Variants in AIG1 observed in about 807,000 individuals in gnomAD.
The protein encoded by AIG1 is androgen-induced gene 1 protein.
AIG1 carries 23 observed loss-of-function variants against 31.4 expected under a neutral mutation model. That is an observed-to-expected ratio of 0.73 (90% CI 0.53 to 1.04). AIG1 has a LOEUF of 1.04. Ranked by LOEUF, AIG1 falls within the 50% of genes least tolerant of loss-of-function variation. The probability of loss-of-function intolerance (pLI) is 0.00; values close to 1 mark genes in which losing one functional copy is unlikely to be tolerated. For missense variants in AIG1, 274 were observed against 295.0 expected (o/e 0.93, Z 0.52); for synonymous variants, 100 against 110.5 (o/e 0.90, Z 0.60).
At chr6:143,150,527 C>T (rs142362965) in intron 2 of AIG1, among the ~76,000 whole-genome samples, 4 of 152,230 alleles carry the variant, frequency 2.6e-5, no homozygotes, top group East Asian at 3.9e-4. Context: ...ATTGTGATGT[C>T]AGGAAGAAGA....
At position 143,192,223 on chromosome 6, in the gene AIG1, G is replaced by A. The variant is rs137956444; in HGVS notation, c.399+27040G>A. Among the ~76,000 whole-genome samples, 538 of 152,274 alleles carry A rather than the reference G, an allele frequency of 3.5e-3. 6 individuals are homozygous for A. The highest frequency in any genetic ancestry group is 0.012 in the African/African-American group (506 of 41,568). ...AAGCAGCAGCCATTCTCTCGGGAGG[G>A]CCTCTGCCGCCATGCATGTGCTTCA... On this transcript the variant is annotated intron_variant, in intron 3 of 5. Transcript: ENST00000357847.
Position 143,258,298 on chromosome 6 carries a change from T to G in AIG1, c.400-25812T>G, listed in dbSNP as rs1795503949. On this transcript the variant is annotated intron_variant, in intron 3 of 5. Coordinates refer to ENST00000357847, the MANE Select transcript of AIG1 (RefSeq NM_016108.4). This position sits in a 1 kb window ranked among gnomAD's most constrained non-coding sequence, Gnocchi z 4.7. ...GGCTGAACAAATTCAAATGAGCTCA[T>G]GTTCATTCAGCCTCTTCATGAATTT... Among the ~76,000 whole-genome samples, 1 of 152,228 alleles carries G rather than the reference T, an allele frequency of 6.6e-6. No homozygotes were observed. The highest frequency in any genetic ancestry group is 2.1e-4 in the South Asian group (1 of 4,834).
chr6:143,060,719 C>G (rs1399164653), upstream of AIG1: 1 of 432,530 alleles, frequency 2.3e-6, no homozygotes, highest in African/African-American at 2.1e-5. Context: ...CGTCCGCAAA[C>G]CGCGCCCGGC....
intron 1 of AIG1, among the ~76,000 whole-genome samples, chr6:143,124,307 A>G (rs1364202714): frequency 6.6e-6 from 1 of 152,218 alleles, no homozygotes; most frequent in Non-Finnish European, 1.5e-5. Context: ...TCAGTGGTGT[A>G]GGTGTAAGGA....
intron 1 of AIG1, among the ~76,000 whole-genome samples, chr6:143,114,855 A>C (rs1361315981): frequency 6.6e-6 from 1 of 152,096 alleles, no homozygotes; most frequent in African/African-American, 2.4e-5. Flanking sequence ...CTACTTCTTC[A>C]TTTGTGAGAT....
intron 3 of AIG1, among the ~76,000 whole-genome samples, chr6:143,254,839 C>T (rs1448934440): frequency 6.6e-6 from 1 of 152,036 alleles, no homozygotes; most frequent in Non-Finnish European, 1.5e-5. Context: ...CATGGCAAAA[C>T]CCCGTCTCTA....
In AIG1 at chr6:143,297,297, A is replaced by C. The variant is rs1219630155; in HGVS notation, c.515+13072A>C. Among the ~76,000 whole-genome samples the C allele has an allele frequency of 6.6e-6, 1 of 152,196 alleles. No homozygotes were observed. Among genetic ancestry groups the C allele is most frequent in the East Asian group, 1.9e-4 (1 of 5,190 alleles). The stretch of plus-strand genomic sequence containing the variant: ...GAAACCATAGTCAGGGAGCCAAAGC[A>C]GTTCAGTGCACCTGGACCCATTGAC... On this transcript the variant is annotated intron_variant, in intron 4 of 5. Transcript: ENST00000357847. This position sits in a 1 kb window ranked among gnomAD's most constrained non-coding sequence, Gnocchi z 5.1.
intron 3 of AIG1, among the ~76,000 whole-genome samples, chr6:143,271,802 G>T (rs77037547): frequency 0.025 from 3,742 of 152,198 alleles, 62 homozygotes; most frequent in Middle Eastern, 0.041. Context: ...TTACATAATA[G>T]GAAATTATCA....
intron 1 of AIG1, among the ~76,000 whole-genome samples, chr6:143,103,755 C>T (rs1347704567): frequency 1.3e-5 from 2 of 152,034 alleles, no homozygotes; most frequent in Non-Finnish European, 2.9e-5. Context: ...GATCCGCCCG[C>T]CTCGGCCTCC....
At chr6:143,078,811 CCAAACCATAT>C (rs1462662516) in intron 1 of AIG1, among the ~76,000 whole-genome samples, 2 of 152,182 alleles carry the variant, frequency 1.3e-5, no homozygotes, top group African/African-American at 2.4e-5. Flanking sequence ...GGGGACACAG[CCAAACCATAT>C]CAAACATTAT....
chr6:143,284,252 T>A lies in AIG1; in HGVS notation c.515+27T>A. Reference sequence around the variant, plus strand: ...TAAGGACCATGCCTGCTGGGCTTTCTTATTGTATTAGATTTTGCACTGCTA... The same window carrying A: ...TAAGGACCATGCCTGCTGGGCTTTCATATTGTATTAGATTTTGCACTGCTA... On this transcript the variant is annotated intron_variant, in intron 4 of 5. Transcript: ENST00000357847. The surrounding 1 kb of genome is among the most constrained non-coding windows in gnomAD (Gnocchi z 4.4). The A allele has an allele frequency of 6.5e-7, 1 of 1,536,846 alleles. No homozygotes were observed. Among genetic ancestry groups the A allele is most frequent in the South Asian group, 1.1e-5 (1 of 87,868 alleles).
chr6:143,251,802 ATC>A (rs1391050253), intron 3 of AIG1, among the ~76,000 whole-genome samples: 1 of 152,086 alleles, frequency 6.6e-6, no homozygotes, highest in East Asian at 1.9e-4. Context: ...CACCATCTAC[ATC>A]TACACGCTGG....
At chr6:143,232,260 T>C (rs1793493427) in intron 3 of AIG1, among the ~76,000 whole-genome samples, 1 of 152,178 alleles carries the variant, frequency 6.6e-6, no homozygotes, top group African/African-American at 2.4e-5. Flanking sequence ...TTTCCTGAGT[T>C]TTTAATTCTA....
chr6:143,072,655 A>T (rs1777397862), intron 1 of AIG1, among the ~76,000 whole-genome samples: 1 of 152,106 alleles, frequency 6.6e-6, no homozygotes, highest in Non-Finnish European at 1.5e-5. Context: ...CGAGAGATTT[A>T]AAAAAACTAC....
At chr6:143,172,054 GT>G (rs1260594833) in intron 3 of AIG1, among the ~76,000 whole-genome samples, 2 of 151,758 alleles carry the variant, frequency 1.3e-5, no homozygotes, top group East Asian at 1.9e-4. Flanking sequence ...TTGCTGATTT[GT>G]TTGAGATCCT....
intron 3 of AIG1, among the ~76,000 whole-genome samples, chr6:143,270,779 TTAAG>T (rs1335670563): frequency 2.0e-5 from 3 of 152,228 alleles, no homozygotes; most frequent in Middle Eastern, 3.2e-3. Flanking sequence ...TCTTCATTCT[TTAAG>T]TATGTTAATA....
At chr6:143,201,201 A>G (rs1790670141) in intron 3 of AIG1, among the ~76,000 whole-genome samples, 1 of 152,068 alleles carries the variant, frequency 6.6e-6, no homozygotes, top group African/African-American at 2.4e-5. Context: ...CCTTAAAAAG[A>G]AAAGTTCCCA....
At chr6:143,275,442 C>T (rs929439029) in intron 3 of AIG1, among the ~76,000 whole-genome samples, 8 of 152,124 alleles carry the variant, frequency 5.3e-5, no homozygotes, top group Admixed American at 5.2e-4. Flanking sequence ...TATAGAGGAA[C>T]GTCTGCTTCC....
rs111761462 is a variant in AIG1, at chr6:143,249,093, A to G, written c.400-35017A>G. ...TGTTAAAAATTAGGGTAAGTTTACC[A>G]CAAAGTAATTTGATTGTCACTTGTA... On this transcript the variant is annotated intron_variant, in intron 3 of 5. Transcript: ENST00000357847. 6.3e-3 allele frequency among the ~76,000 whole-genome samples: 967 copies of G among 152,356 alleles called. 9 individuals carry two copies. Among genetic ancestry groups the G allele is most frequent in the African/African-American group, 0.022 (932 of 41,572 alleles).
Sources: allele counts gnomAD v4.1 joint callset (sites outside exome capture counted in the v4.1 genomes callset), GRCh38; gene constraint gnomAD v4.1.1; non-coding constraint Gnocchi (gnomAD v3.1); transcripts MANE v1.5; gene names NCBI Gene and HGNC (gene_info 2026-07-23, HGNC 2026-07-21).